Variants in TCERG1L observed in about 807,000 individuals in gnomAD.
TCERG1L encodes the protein transcription elongation regulator 1-like protein.
TCERG1L carries 37 observed loss-of-function variants against 56.3 expected under a neutral mutation model. The ratio of observed to expected loss-of-function variants is 0.66; its 90% CI spans 0.51 to 0.87. TCERG1L has a LOEUF of 0.87. TCERG1L is among the 40% of genes least tolerant of loss of function. The pLI is 0.00. For missense variants in TCERG1L, 799 were observed against 774.2 expected (o/e 1.03, Z -0.38); for synonymous variants, 324 against 326.3 (o/e 0.99, Z 0.08).
rs1335101396 is a variant in TCERG1L at position 131,098,438 on chromosome 10, T to TA, written c.1486-15dup. 1 of 1,533,272 alleles carries TA rather than the reference T, an allele frequency of 6.5e-7. No homozygotes were observed. Among genetic ancestry groups the TA allele is most frequent in the African/African-American group, 1.4e-5 (1 of 72,118 alleles). 95.0% of individuals were successfully genotyped at this position (1,533,272 alleles called of 1,614,324 possible). A position where few individuals can be genotyped will look rare whatever the true frequency, so the allele number is the denominator to read the frequency against. On this transcript the variant is annotated splice_polypyrimidine_tract_variant and intron_variant, in intron 10 of 11. Coordinates refer to ENST00000368642, the MANE Select transcript of TCERG1L (RefSeq NM_174937.4). ...CTGTTCAAATATCTTAAAACACAGA[T>TA]ACAGAAGAAAAACATCATGAAATTG...
At chr10:131,273,922 G>A (rs747891806) in intron 3 of TCERG1L, among the ~76,000 whole-genome samples, 1 of 152,194 alleles carries the variant, frequency 6.6e-6, no homozygotes, top group Non-Finnish European at 1.5e-5. Context: ...CTATTCCCCC[G>A]TGAAAAGCTT....
chr10:131,214,669 G>A (rs1010828580), intron 4 of TCERG1L, among the ~76,000 whole-genome samples: 1 of 152,168 alleles, frequency 6.6e-6, no homozygotes, highest in Non-Finnish European at 1.5e-5. Flanking sequence ...GATTTCCAGC[G>A]TTTCCACTTA....
chr10:131,109,559 G>A (rs75870563), intron 9 of TCERG1L, among the ~76,000 whole-genome samples: 4,575 of 152,270 alleles, frequency 0.03, 89 homozygotes, highest in Non-Finnish European at 0.046. Context: ...CTGTCCCCCC[G>A]GCTGGAGTGA....
chr10:131,114,639 C>A (rs1845438053), intron 9 of TCERG1L, among the ~76,000 whole-genome samples: 1 of 152,104 alleles, frequency 6.6e-6, no homozygotes, highest in Admixed American at 6.5e-5. Context: ...ATCTCTCAAC[C>A]AAGGCCATTT....
intron 11 of TCERG1L, 128 bp downstream of exon 11, chr10:131,098,178 A>T: frequency 9.7e-7 from 1 of 1,029,436 alleles, no homozygotes; most frequent in Admixed American, 2.7e-5. Context: ...GCAGGTCTTC[A>T]AAGCTCACAC....
intron 4 of TCERG1L, among the ~76,000 whole-genome samples, chr10:131,186,239 G>T (rs766767854): frequency 2.0e-5 from 3 of 152,194 alleles, no homozygotes; most frequent in Non-Finnish European, 4.4e-5. Context: ...TAACCAGTAA[G>T]GAGTTTTTTT....
intron 11 of TCERG1L, among the ~76,000 whole-genome samples, chr10:131,094,858 G>T (rs1845224858): frequency 6.6e-6 from 1 of 152,136 alleles, no homozygotes; most frequent in Non-Finnish European, 1.5e-5. Flanking sequence ...CGCTCCCCTG[G>T]CTAGACAGGC....
Position 131,134,369 on chromosome 10 carries a change from G to C in TCERG1L, c.1259+10C>G, listed in dbSNP as rs201736302. The C allele has an allele frequency of 3.8e-6, 6 of 1,579,612 alleles. No homozygotes were observed. The highest frequency in any genetic ancestry group is 1.2e-5 in the South Asian group (1 of 85,912). Reference sequence around the variant, plus strand: ...GGAAAGATCTGCTGGGGAAGAGCACGGCCACCTACCGGTTCCTCTTGGTTT... The same window carrying C: ...GGAAAGATCTGCTGGGGAAGAGCACCGCCACCTACCGGTTCCTCTTGGTTT... On this transcript the variant is annotated intron_variant, in intron 8 of 11. Coordinates refer to ENST00000368642, the MANE Select transcript of TCERG1L (RefSeq NM_174937.4).
chr10:131,210,072 G>C (rs1274796152), intron 4 of TCERG1L, among the ~76,000 whole-genome samples: 1 of 152,174 alleles, frequency 6.6e-6, no homozygotes, highest in Non-Finnish European at 1.5e-5. Flanking sequence ...AGGAACAGAA[G>C]TGACATAAAG....
rs1333680114 is a variant in TCERG1L at position 131,260,558 on chromosome 10, T to C, written c.671-114A>G. On this transcript the variant is annotated intron_variant, in intron 3 of 11. Coordinates refer to ENST00000368642, the MANE Select transcript of TCERG1L (RefSeq NM_174937.4). The surrounding 1 kb of genome is among the most constrained non-coding windows in gnomAD (Gnocchi z 5.8). Reference sequence around the variant, plus strand: ...CCCAGAAAACAGGTGAGGGGGGCGCTACCCCTCTTTAATGGAGGCCCACAG... The same window carrying C: ...CCCAGAAAACAGGTGAGGGGGGCGCCACCCCTCTTTAATGGAGGCCCACAG... The C allele has an allele frequency of 7.4e-6, 9 of 1,217,068 alleles. No homozygotes were observed. Among genetic ancestry groups the C allele is most frequent in the Middle Eastern group, 3.0e-4 (1 of 3,370 alleles). 75.4% of individuals were successfully genotyped at this position (1,217,068 alleles called of 1,614,324 possible).
intron 3 of TCERG1L, among the ~76,000 whole-genome samples, chr10:131,282,008 C>T (rs1380194736): frequency 1.3e-5 from 2 of 151,926 alleles, no homozygotes; most frequent in Admixed American, 6.6e-5. Context: ...CGGTGGCGGG[C>T]GCCTGTAGTC....
At chr10:131,187,486 C>A (rs1845256859) in intron 4 of TCERG1L, among the ~76,000 whole-genome samples, 1 of 152,178 alleles carries the variant, frequency 6.6e-6, no homozygotes, top group South Asian at 2.1e-4. Flanking sequence ...AACAGGACAG[C>A]CTCACCCAGG....
At chr10:131,298,772 G>A (rs574100141) in intron 3 of TCERG1L, among the ~76,000 whole-genome samples, 1 of 152,310 alleles carries the variant, frequency 6.6e-6, no homozygotes, top group Non-Finnish European at 1.5e-5. Context: ...TGGTAAGGAT[G>A]AATGTTTCCT....
chr10:131,163,536 C>T (rs1382959332), intron 5 of TCERG1L, among the ~76,000 whole-genome samples: 1 of 152,208 alleles, frequency 6.6e-6, no homozygotes, highest in East Asian at 1.9e-4. Context: ...GACAGAAAAT[C>T]TCACTGGCTT....
At chr10:131,148,670 T>C (rs927171675) in intron 6 of TCERG1L, among the ~76,000 whole-genome samples, 1 of 95,668 alleles carries the variant, frequency 1.0e-5, no homozygotes, top group Non-Finnish European at 2.6e-5. Flanking sequence ...ATGCCTGGCC[T>C]TGAGGCTGGA....
rs1208076206 is a variant in TCERG1L at position 131,146,594 on chromosome 10, CCAGA to C, written c.1097_1100del (p.Val366GlyfsTer7). On this transcript the variant is annotated frameshift_variant, in exon 7 of 12. Transcript: ENST00000368642. LOFTEE classifies it high-confidence loss of function. ...GGTCCTTCAGGTCCATGGGCTTCTC[CCAGA>C]CAGACAGGTGCATCGTTGGGTTGAA... The C allele has an allele frequency of 1.9e-6, 3 of 1,613,916 alleles. No individual in the cohort carries two copies. Among genetic ancestry groups the C allele is most frequent in the Non-Finnish European group, 2.5e-6 (3 of 1,179,852 alleles).
intron 4 of TCERG1L, among the ~76,000 whole-genome samples, chr10:131,196,150 C>T (rs1024758013): frequency 5.9e-5 from 9 of 152,198 alleles, no homozygotes; most frequent in East Asian, 1.9e-4. Context: ...TAAAAATTAA[C>T]GGATCTTGGC....
chr10:131,203,314 C>CAAAAAAAAAAAAAAAAAA (rs58016777), intron 4 of TCERG1L, among the ~76,000 whole-genome samples: 20 of 117,628 alleles, frequency 1.7e-4, no homozygotes, highest in East Asian at 5.7e-4. Context: ...GACTCCGTCT[C>CAAAAAAAAAAAAAAAAAA]AAAAAAAAAA....
At chr10:131,123,380 A>G (rs192199331) in intron 8 of TCERG1L, among the ~76,000 whole-genome samples, 13 of 152,302 alleles carry the variant, frequency 8.5e-5, no homozygotes, top group Non-Finnish European at 1.5e-4. Context: ...GACACCCACA[A>G]GCAGATCCTG....
Sources: allele counts gnomAD v4.1 joint callset (sites outside exome capture counted in the v4.1 genomes callset), GRCh38; gene constraint gnomAD v4.1.1; non-coding constraint Gnocchi (gnomAD v3.1); transcripts MANE v1.5; gene names NCBI Gene and HGNC (gene_info 2026-07-23, HGNC 2026-07-21).